SMIM27: variants seen among roughly 807,000 people sequenced by gnomAD.
The protein encoded by SMIM27 is TOPORS antisense RNA 1 (non-protein coding).
SMIM27 carries 3 observed loss-of-function variants against 1.8 expected under a neutral mutation model. That is an observed-to-expected ratio of 1.65 (90% CI 0.75 to 4.28). SMIM27 has a LOEUF of 4.28. SMIM27 is among the 30% of genes most tolerant of loss of function. The pLI is 0.02. For missense variants in SMIM27, 63 were observed against 37.0 expected (o/e 1.70, Z -1.83); for synonymous variants, 19 against 13.9 (o/e 1.37, Z -0.82).
chr9:32,552,300 C>T (rs554839725), upstream of SMIM27: 6 of 1,325,044 alleles, frequency 4.5e-6, 1 homozygote, highest in South Asian at 6.3e-5. Context: ...AGCGACAGCG[C>T]TGCACGAAGC....
At chr9:32,552,251 T>C (rs1485171007), upstream of SMIM27, 4 of 748,004 alleles carry the variant, frequency 5.3e-6, no homozygotes, top group South Asian at 4.8e-5. Context: ...AGGCCCCCGA[T>C]CACGTGATAC....
chr9:32,564,191 T>C (rs150540440), intron 1 of SMIM27, among the ~76,000 whole-genome samples: 3 of 152,334 alleles, frequency 2.0e-5, no homozygotes, highest in Middle Eastern at 3.4e-3. Context: ...TATCAATACA[T>C]TTTAAAAACC....
intron 1 of SMIM27, among the ~76,000 whole-genome samples, chr9:32,559,293 C>T (rs1451698440): frequency 1.3e-5 from 2 of 152,202 alleles, no homozygotes; most frequent in African/African-American, 4.8e-5. Context: ...CTGAATCCAA[C>T]TGGTTCTCAT....
chr9:32,554,004 A>G, downstream of SMIM27: 2 of 1,071,270 alleles, frequency 1.9e-6, no homozygotes, highest in Non-Finnish European at 2.8e-6. Context: ...TGATAGTTCT[A>G]TTCTGTTCTA....
downstream of SMIM27, among the ~76,000 whole-genome samples, chr9:32,555,270 C>G (rs927282122): frequency 3.7e-4 from 56 of 152,126 alleles, 1 homozygote; most frequent in Non-Finnish European, 8.8e-5. Flanking sequence ...AAATCAGGAC[C>G]TTGTGGTATT....
upstream of SMIM27, chr9:32,551,188 T>A (rs1476430726): frequency 3.2e-6 from 2 of 623,576 alleles, no homozygotes; most frequent in Non-Finnish European, 5.7e-6. Flanking sequence ...ACCCTCCCCA[T>A]CTTGTTACTG....
intron 1 of SMIM27, among the ~76,000 whole-genome samples, chr9:32,563,999 T>C (rs774977696): frequency 6.6e-5 from 10 of 152,186 alleles, no homozygotes; most frequent in Admixed American, 1.3e-4. Flanking sequence ...TGGCCACTGC[T>C]CTGAGCTCTG....
exon 2 of SMIM27, chr9:32,566,517 G>A: frequency 1.3e-6 from 1 of 771,202 alleles, no homozygotes; most frequent in Non-Finnish European, 2.4e-6. Flanking sequence ...TGCAGAGACG[G>A]CTGCCACCCT....
At chr9:32,558,252 C>G (rs546068085) in intron 1 of SMIM27, among the ~76,000 whole-genome samples, 1 of 152,026 alleles carries the variant, frequency 6.6e-6, no homozygotes, top group Non-Finnish European at 1.5e-5. Flanking sequence ...GCTGGGACTA[C>G]AGGCGCCCGC....
At chr9:32,557,162 CT>C (rs34291462), downstream of SMIM27, among the ~76,000 whole-genome samples, 56,919 of 129,002 alleles carry the variant, frequency 0.44, 12,458 homozygotes, top group African/African-American at 0.49. Flanking sequence ...CTGGCCCCCA[CT>C]TTTTTTTTTT....
intron 1 of SMIM27, among the ~76,000 whole-genome samples, chr9:32,558,376 G>T (rs916640573): frequency 6.6e-6 from 1 of 152,170 alleles, no homozygotes; most frequent in African/African-American, 2.4e-5. Context: ...CTCCCAAAGT[G>T]CTGGGATTAC....
At chr9:32,566,651 C>T in exon 2 of SMIM27, 3 of 800,892 alleles carry the variant, frequency 3.7e-6, no homozygotes, top group Non-Finnish European at 6.8e-6. Context: ...AGGAGCTCAC[C>T]TCTCTCAGGT....
At chr9:32,563,323 CCT>C (rs1473441663) in intron 1 of SMIM27, among the ~76,000 whole-genome samples, 2 of 151,740 alleles carry the variant, frequency 1.3e-5, no homozygotes, top group African/African-American at 2.4e-5. Context: ...GTATTAGCAT[CCT>C]CTTTTTTTTT....
intron 1 of SMIM27, among the ~76,000 whole-genome samples, chr9:32,558,105 T>C (rs908805121): frequency 1.4e-5 from 2 of 138,032 alleles, no homozygotes; most frequent in South Asian, 4.8e-4. Context: ...AGCTCACACA[T>C]TCATAGTATA....
chr9:32,565,027 T>C (rs1378514575), intron 1 of SMIM27, among the ~76,000 whole-genome samples: 3 of 152,184 alleles, frequency 2.0e-5, no homozygotes, highest in African/African-American at 7.2e-5. Flanking sequence ...GTGCGGTGGC[T>C]CACGCTTGTA....
At chr9:32,558,815 G>T (rs887471883) in intron 1 of SMIM27, 2 of 867,768 alleles carry the variant, frequency 2.3e-6, no homozygotes, top group Non-Finnish European at 3.5e-6. Context: ...AAGTGAGAAG[G>T]AAAGAACATT....
upstream of SMIM27, chr9:32,551,881 AG>A (rs1294991854): frequency 7.5e-6 from 3 of 397,698 alleles, no homozygotes; most frequent in Non-Finnish European, 1.6e-5. Context: ...CTCGATTTAC[AG>A]GGGTTCCCAC....
intron 1 of SMIM27, among the ~76,000 whole-genome samples, chr9:32,558,604 C>G (rs1821538630): frequency 1.3e-5 from 2 of 152,180 alleles, no homozygotes; most frequent in African/African-American, 4.8e-5. Flanking sequence ...CAACATGAAA[C>G]AGGACACAGT....
chr9:32,566,108 G>T (rs750883523), intron 1 of SMIM27: 3 of 490,902 alleles, frequency 6.1e-6, no homozygotes, highest in South Asian at 3.3e-5. Flanking sequence ...TTATGCCCAC[G>T]ACAGGCCTCG....
Sources: gnomAD v4.1 joint callset for allele counts (sites outside exome capture counted in the v4.1 genomes callset) on GRCh38, gnomAD v4.1.1 for gene constraint, MANE v1.5 for transcripts, NCBI Gene and HGNC (gene_info 2026-07-23, HGNC 2026-07-21) for gene names.